Variants in TBC1D5 observed in about 807,000 individuals in gnomAD.
TBC1D5 encodes TBC1 domain family, member 5.
Under a neutral mutation model 100.3 loss-of-function variants are expected in TBC1D5, and 75 were observed. The observed-to-expected ratio is 0.75, with a 90% CI of 0.62 to 0.91. The LOEUF (loss-of-function observed/expected upper bound fraction) is 0.91. Ranked by LOEUF, TBC1D5 falls within the 40% of genes least tolerant of loss-of-function variation. TBC1D5 has a pLI of 0.00. For synonymous variants in TBC1D5, 323 were observed against 325.6 expected (o/e 0.99, Z 0.09); for missense variants, 910 against 942.4 (o/e 0.97, Z 0.45).
At chr3:17,181,511 C>T (rs866345769) in intron 19 of TBC1D5, among the ~76,000 whole-genome samples, 11 of 152,148 alleles carry the variant, frequency 7.2e-5, no homozygotes, top group African/African-American at 2.7e-4. Context: ...ACATATGTGT[C>T]GACATATGAG....
intron 3 of TBC1D5, among the ~76,000 whole-genome samples, chr3:17,448,424 G>T (rs1333138494): frequency 6.6e-6 from 1 of 152,110 alleles, no homozygotes; most frequent in Admixed American, 6.5e-5. Flanking sequence ...TTTCCAGAAG[G>T]TTCCAATGTA....
intron 13 of TBC1D5, among the ~76,000 whole-genome samples, chr3:17,311,294 C>T (rs2084004511): frequency 6.6e-6 from 1 of 151,934 alleles, no homozygotes; most frequent in South Asian, 2.1e-4. Flanking sequence ...GACTGCCATG[C>T]TCATAACCAC....
chr3:17,291,459 T>C (rs981560659), intron 15 of TBC1D5, among the ~76,000 whole-genome samples: 1 of 152,216 alleles, frequency 6.6e-6, no homozygotes, highest in African/African-American at 2.4e-5. Flanking sequence ...AATAATTTAG[T>C]GTTTCATTGT....
At position 17,503,055 on chromosome 3, in the gene TBC1D5, G is replaced by A. The variant is rs1470538144; in HGVS notation, c.97+5419C>T. Reference sequence around the variant, plus strand: ...ACTGTAGTTTATTCACCCTACTACAGCCAGAATAATCTTTGTAAAATGCAA... The same window carrying A: ...ACTGTAGTTTATTCACCCTACTACAACCAGAATAATCTTTGTAAAATGCAA... On this transcript the variant is annotated intron_variant, in intron 3 of 21. Coordinates refer to ENST00000253692, the Ensembl canonical transcript of TBC1D5. Among the ~76,000 whole-genome samples the A allele has an allele frequency of 2.7e-5, 4 of 149,550 alleles. 1 individual carries two copies. Among genetic ancestry groups the A allele is most frequent in the African/African-American group, 5.1e-5 (2 of 39,354 alleles).
chr3:17,527,610 A>G (rs1309856310), intron 2 of TBC1D5, among the ~76,000 whole-genome samples: 2 of 152,198 alleles, frequency 1.3e-5, no homozygotes, highest in Non-Finnish European at 2.9e-5. Flanking sequence ...CCTTCCTCAG[A>G]AAGGTTAAGA....
At chr3:17,331,627 A>G (rs1446094871) in intron 13 of TBC1D5, among the ~76,000 whole-genome samples, 2 of 152,218 alleles carry the variant, frequency 1.3e-5, no homozygotes, top group Non-Finnish European at 2.9e-5. Context: ...TGAACAAAAT[A>G]AAGTCTCTGC....
intron 1 of TBC1D5, among the ~76,000 whole-genome samples, chr3:17,631,216 A>T (rs1312576031): frequency 6.6e-6 from 1 of 152,192 alleles, no homozygotes; most frequent in Non-Finnish European, 1.5e-5. Context: ...TAAACAGAAC[A>T]TCAAAACAGC....
At chr3:17,407,774 C>T (rs1266756808) in intron 4 of TBC1D5, among the ~76,000 whole-genome samples, 1 of 152,110 alleles carries the variant, frequency 6.6e-6, no homozygotes, top group African/African-American at 2.4e-5. Flanking sequence ...TCCTCAAACA[C>T]AACAAGCCTT....
chr3:17,274,613 T>C (rs2149754523), intron 15 of TBC1D5, among the ~76,000 whole-genome samples: 1 of 152,304 alleles, frequency 6.6e-6, no homozygotes, highest in Non-Finnish European at 1.5e-5. Context: ...CTGCAACTAT[T>C]CCTGTCACTT....
At chr3:17,690,256 G>T (rs550360356) in intron 1 of TBC1D5, among the ~76,000 whole-genome samples, 1 of 21,910 alleles carries the variant, frequency 4.6e-5, no homozygotes, top group Non-Finnish European at 8.1e-5. Context: ...TCGCTCTGTC[G>T]CCCAGGCTGG....
At chr3:17,393,884 T>C (rs1003120207) in intron 8 of TBC1D5, among the ~76,000 whole-genome samples, 36 of 152,094 alleles carry the variant, frequency 2.4e-4, no homozygotes, top group Non-Finnish European at 4.7e-4. Context: ...GAAGAAAACC[T>C]AGGCAATACC....
chr3:17,179,535 G>A (rs995503741), intron 19 of TBC1D5, among the ~76,000 whole-genome samples: 1 of 152,146 alleles, frequency 6.6e-6, no homozygotes, highest in African/African-American at 2.4e-5. Flanking sequence ...TTCAAGTGTG[G>A]CCTCAGTAGA....
chr3:17,269,530 G>A (rs2079170124), intron 15 of TBC1D5, among the ~76,000 whole-genome samples: 1 of 152,042 alleles, frequency 6.6e-6, no homozygotes, highest in African/African-American at 2.4e-5. Context: ...ACATGTACAG[G>A]TTTGTTTCAA....
At chr3:17,481,439 T>C (rs955781303) in intron 3 of TBC1D5, among the ~76,000 whole-genome samples, 2 of 152,140 alleles carry the variant, frequency 1.3e-5, no homozygotes, top group Admixed American at 1.3e-4. Flanking sequence ...GGTTTCCAGC[T>C]GGCAAAGCAA....
At chr3:17,363,884 T>G (rs1173439242) in intron 13 of TBC1D5, among the ~76,000 whole-genome samples, 4 of 152,004 alleles carry the variant, frequency 2.6e-5, no homozygotes, top group African/African-American at 9.6e-5. Flanking sequence ...ATTCTTCATA[T>G]TATTTCTTTA....
At chr3:17,271,535 T>G (rs1347031619) in intron 15 of TBC1D5, among the ~76,000 whole-genome samples, 1 of 152,184 alleles carries the variant, frequency 6.6e-6, no homozygotes, top group African/African-American at 2.4e-5. Context: ...AGGTATAGCA[T>G]CATATTGCCA....
Position 17,179,170 on chromosome 3 carries a change from G to C in TBC1D5, c.1852+5939C>G, listed in dbSNP as rs1186312776. On this transcript the variant is annotated intron_variant, in intron 19 of 21. Transcript: ENST00000253692. ...GTGAATTGTATCTTTTCCTCCTATAGAGGACTCTGCTACCCGCAATAAAAA... is the reference window on the plus strand; with the variant it reads ...GTGAATTGTATCTTTTCCTCCTATACAGGACTCTGCTACCCGCAATAAAAA... Among the ~76,000 whole-genome samples the C allele has an allele frequency of 2.0e-5, 3 of 152,138 alleles. No homozygotes were observed. In the East Asian group the frequency reaches 5.8e-4, roughly 29 times the overall value.
chr3:17,355,742 G>A (rs187619796), intron 13 of TBC1D5, among the ~76,000 whole-genome samples: 25 of 151,990 alleles, frequency 1.6e-4, no homozygotes, highest in African/African-American at 5.5e-4. Flanking sequence ...TAGAGGCTGA[G>A]TACTGTGTTT....
chr3:17,284,089 TACACACACACACACAC>T (rs58307801), intron 15 of TBC1D5, among the ~76,000 whole-genome samples: 12 of 132,718 alleles, frequency 9.0e-5, no homozygotes, highest in Non-Finnish European at 1.9e-4. Flanking sequence ...CTCATTATTT[TACACACACACACACAC>T]ACACACACAC....
Sources: allele counts gnomAD v4.1 joint callset (sites outside exome capture counted in the v4.1 genomes callset), GRCh38; gene constraint gnomAD v4.1.1; transcripts MANE v1.5; gene names NCBI Gene and HGNC (gene_info 2026-07-23, HGNC 2026-07-21).